DLG2: variants seen among roughly 807,000 people sequenced by gnomAD.
The protein encoded by DLG2 is discs large MAGUK scaffold protein 2.
Under a neutral mutation model 132.5 loss-of-function variants are expected in DLG2, and 45 were observed. The ratio of observed to expected loss-of-function variants is 0.34; its 90% CI spans 0.27 to 0.44. The LOEUF is 0.44. Among genes scored for constraint, DLG2 ranks in the 20% least tolerant of loss-of-function variants. The probability of loss-of-function intolerance (pLI) is 1.00; values close to 1 mark genes in which losing one functional copy is unlikely to be tolerated. For synonymous variants in DLG2, 424 were observed against 419.6 expected, an observed-to-expected ratio of 1.01 and a Z score of -0.13; for missense variants, 1,045 against 1,196.9, an observed-to-expected ratio of 0.87 and a Z score of 1.87.
At chr11:84,580,933 A>G (rs2099514850) in intron 6 of DLG2, among the ~76,000 whole-genome samples, 1 of 152,128 alleles carries the variant, frequency 6.6e-6, no homozygotes, top group African/African-American at 2.4e-5. Context: ...TACTCAGAAT[A>G]CTGTGTTCAA....
At chr11:84,312,809 T>G (rs147345768) in intron 7 of DLG2, among the ~76,000 whole-genome samples, 136 of 152,194 alleles carry the variant, frequency 8.9e-4, no homozygotes, top group East Asian at 2.9e-3. Context: ...TTTATTATTA[T>G]TAGTAGTAGT....
intron 6 of DLG2, chr11:84,923,207 A>G (rs1237500841): frequency 6.3e-7 from 1 of 1,598,202 alleles, no homozygotes; most frequent in Non-Finnish European, 8.5e-7. Flanking sequence ...GTGCTACTAA[A>G]GAGCATCCGT....
intron 6 of DLG2, among the ~76,000 whole-genome samples, chr11:84,685,862 A>G (rs1055824046): frequency 2.0e-5 from 3 of 151,822 alleles, no homozygotes; most frequent in Non-Finnish European, 4.4e-5. Context: ...AATTTTTTGT[A>G]TTTTTTAGTA....
At chr11:84,041,592 TC>T (rs1201037868) in intron 11 of DLG2, among the ~76,000 whole-genome samples, 1 of 152,012 alleles carries the variant, frequency 6.6e-6, no homozygotes, top group African/African-American at 2.4e-5. Flanking sequence ...GGGAATATTT[TC>T]TCCACTCTAT....
chr11:84,954,005 T>G (rs75991630), intron 6 of DLG2, among the ~76,000 whole-genome samples: 2,063 of 152,256 alleles, frequency 0.014, 46 homozygotes, highest in African/African-American at 0.046. Flanking sequence ...TGCCTCTCTT[T>G]ACACGTATCC....
At chr11:84,711,017 TA>T (rs1565734915) in intron 6 of DLG2, among the ~76,000 whole-genome samples, 1 of 88,788 alleles carries the variant, frequency 1.1e-5, no homozygotes, top group African/African-American at 4.5e-5. Flanking sequence ...TAGATATATA[TA>T]TATATATATA....
intron 10 of DLG2, among the ~76,000 whole-genome samples, chr11:84,077,926 TA>T (rs2096851158): frequency 6.6e-6 from 1 of 152,184 alleles, no homozygotes; most frequent in Non-Finnish European, 1.5e-5. Context: ...TGTACAAATA[TA>T]AATCTGATGA....
At chr11:84,323,572 G>T in intron 7 of DLG2, among the ~76,000 whole-genome samples, 1 of 152,040 alleles carries the variant, frequency 6.6e-6, no homozygotes, top group South Asian at 2.1e-4. Context: ...TGGTATTGTT[G>T]AATTATATGG....
chr11:84,280,699 T>A (rs866001144), intron 7 of DLG2, among the ~76,000 whole-genome samples: 1 of 145,604 alleles, frequency 6.9e-6, no homozygotes, highest in Non-Finnish European at 1.5e-5. Flanking sequence ...ACTGTTTTTT[T>A]GTTTTTTGTT....
intron 16 of DLG2, among the ~76,000 whole-genome samples, chr11:83,851,780 C>T (rs904953150): frequency 6.8e-6 from 1 of 146,500 alleles, no homozygotes; most frequent in African/African-American, 2.5e-5. Flanking sequence ...ATTAGCCGGG[C>T]ATGGTGGCGG....
At chr11:84,007,221 T>C (rs12805533) in intron 11 of DLG2, among the ~76,000 whole-genome samples, 3,368 of 151,858 alleles carry the variant, frequency 0.022, 68 homozygotes, top group Middle Eastern at 0.034. Flanking sequence ...TTACTCATTA[T>C]GGTTCAGATT....
chr11:84,661,360 C>T (rs2099694288), intron 6 of DLG2, among the ~76,000 whole-genome samples: 1 of 152,068 alleles, frequency 6.6e-6, no homozygotes, highest in South Asian at 2.1e-4. Context: ...TAGCTGAGAA[C>T]CAGGTTATCT....
intron 3 of DLG2, among the ~76,000 whole-genome samples, chr11:85,385,825 T>C (rs1254874412): frequency 6.6e-6 from 1 of 152,206 alleles, no homozygotes; most frequent in Non-Finnish European, 1.5e-5. Context: ...CTTTTCAAGA[T>C]GATCTTAAGA....
At chr11:84,765,463 AC>A (rs2068274210) in intron 6 of DLG2, among the ~76,000 whole-genome samples, 1 of 152,016 alleles carries the variant, frequency 6.6e-6, no homozygotes, top group African/African-American at 2.4e-5. Context: ...TCTCCCCTCA[AC>A]CAAACACTGC....
intron 6 of DLG2, among the ~76,000 whole-genome samples, chr11:84,609,150 A>G (rs2099590925): frequency 1.3e-5 from 2 of 152,184 alleles, no homozygotes; most frequent in African/African-American, 4.8e-5. Flanking sequence ...GTGGTTTAGA[A>G]TGCTGACTCA....
intron 8 of DLG2, among the ~76,000 whole-genome samples, chr11:84,238,988 T>C (rs948342368): frequency 2.0e-5 from 3 of 152,330 alleles, no homozygotes; most frequent in African/African-American, 4.8e-5. Flanking sequence ...CACATGCACA[T>C]TGATCCACAT....
At chr11:85,603,915 T>A (rs1244018233) in intron 2 of DLG2, among the ~76,000 whole-genome samples, 1 of 152,186 alleles carries the variant, frequency 6.6e-6, no homozygotes, top group East Asian at 1.9e-4. Context: ...AGACCCTGTC[T>A]CTAAATAAAT....
chr11:83,555,772 T>C (rs1461561609), intron 19 of DLG2, among the ~76,000 whole-genome samples: 1 of 152,220 alleles, frequency 6.6e-6, no homozygotes, highest in Non-Finnish European at 1.5e-5. Context: ...AATCAGAGCT[T>C]GAAAATCTTC....
At chr11:84,163,797 C>G (rs1193459085) in intron 8 of DLG2, among the ~76,000 whole-genome samples, 4 of 152,058 alleles carry the variant, frequency 2.6e-5, no homozygotes, top group African/African-American at 7.2e-5. Flanking sequence ...ATATTGTGAG[C>G]TTACAAAGAA....
Sources: allele counts gnomAD v4.1 joint callset (sites outside exome capture counted in the v4.1 genomes callset), GRCh38; gene constraint gnomAD v4.1.1; transcripts MANE v1.5; gene names NCBI Gene and HGNC (gene_info 2026-07-23, HGNC 2026-07-21).